Variants in SYTL3 observed in about 807,000 individuals in gnomAD.
SYTL3 encodes synaptotagmin like 3.
A neutral mutation model predicts 82.1 loss-of-function variants in SYTL3; 88 were observed. That is an observed-to-expected ratio of 1.07 (90% CI 0.90 to 1.28). The LOEUF (loss-of-function observed/expected upper bound fraction) is 1.28, where lower values mean the gene tolerates loss of function less well. Among genes scored for constraint, SYTL3 ranks in the 50% most tolerant of loss-of-function variants. The pLI is 0.00. For synonymous variants in SYTL3, 311 were observed against 289.4 expected (o/e 1.07, Z -0.76); for missense variants, 831 against 757.6 (o/e 1.10, Z -1.14).
Position 158,750,656 on chromosome 6 carries a change from T to C in SYTL3, c.1035-1272T>C, listed in dbSNP as rs114820801. ...ACTTCGGGCGTCGAGTAGCTGGGAC[T>C]ACAGGTGCACACCACCACACCCAGT... On this transcript the variant is annotated intron_variant, in intron 12 of 17. Coordinates refer to ENST00000611299, the MANE Select transcript of SYTL3 (RefSeq NM_001242394.2). Among the ~76,000 whole-genome samples, 696 of 152,248 alleles carry C rather than the reference T, an allele frequency of 4.6e-3. 5 individuals carry two copies. The highest frequency in any genetic ancestry group is 0.016 in the African/African-American group (652 of 41,546).
rs148419210 is a variant in SYTL3 at position 158,654,769 on chromosome 6, C to T, written c.-637+2927C>T. 3.3e-3 allele frequency among the ~76,000 whole-genome samples: 508 copies of T among 152,084 alleles called. 2 individuals carry two copies. Among genetic ancestry groups the T allele is most frequent in the African/African-American group, 0.012 (487 of 41,444 alleles). The stretch of plus-strand genomic sequence containing the variant: ...GGCTGAGTCCTGGCTGGGTATGAGC[C>T]CAGACTGTCTGGCTCCAAAAGTGAC... On this transcript the variant is annotated intron_variant, in intron 2 of 17. Transcript: ENST00000611299.
intron 2 of SYTL3, among the ~76,000 whole-genome samples, chr6:158,654,549 C>T (rs976570607): frequency 1.3e-5 from 2 of 152,178 alleles, no homozygotes; most frequent in Non-Finnish European, 2.9e-5. Context: ...TACTCTTGGG[C>T]CTTCCTGAAG....
At chr6:158,743,064 T>C (rs1414308045) in intron 11 of SYTL3, among the ~76,000 whole-genome samples, 1 of 152,194 alleles carries the variant, frequency 6.6e-6, no homozygotes, top group Non-Finnish European at 1.5e-5. Flanking sequence ...CCAGTCCCGT[T>C]AGACTGCTGA....
chr6:158,735,600 A>G (rs1786036917), intron 11 of SYTL3, among the ~76,000 whole-genome samples: 1 of 152,198 alleles, frequency 6.6e-6, no homozygotes, highest in Non-Finnish European at 1.5e-5. Context: ...AGAAATATTT[A>G]CATTCTCTGA....
chr6:158,728,533 A>G (rs961718981), intron 11 of SYTL3, among the ~76,000 whole-genome samples: 7 of 152,346 alleles, frequency 4.6e-5, no homozygotes, highest in African/African-American at 1.4e-4. Context: ...GAAGTTGGAT[A>G]TTATAAGTCT....
chr6:158,664,668 CAT>C (rs1472714279), intron 4 of SYTL3, among the ~76,000 whole-genome samples: 1 of 152,170 alleles, frequency 6.6e-6, no homozygotes, highest in Non-Finnish European at 1.5e-5. Flanking sequence ...GTGACATAGA[CAT>C]AGTGATAACA....
At chr6:158,752,154 A>G (rs1261908545) in intron 13 of SYTL3, 124 bp downstream of exon 13, 14 of 531,492 alleles carry the variant, frequency 2.6e-5, no homozygotes, top group Non-Finnish European at 9.7e-6. Context: ...AGACACCTAT[A>G]TGTTTCTTCG....
At chr6:158,645,222 T>G (rs1787360598), upstream of SYTL3, among the ~76,000 whole-genome samples, 1 of 152,100 alleles carries the variant, frequency 6.6e-6, no homozygotes, top group African/African-American at 2.4e-5. Context: ...CTTTGGGGAG[T>G]TAAGTTTTCC....
At chr6:158,703,890 A>C (rs947393060) in intron 6 of SYTL3, among the ~76,000 whole-genome samples, 1 of 150,204 alleles carries the variant, frequency 6.7e-6, no homozygotes, top group Non-Finnish European at 1.5e-5. Context: ...CCCAGGCTGG[A>C]GTGCAGTGGT....
chr6:158,715,639 A>ACC (rs71030193), intron 9 of SYTL3, among the ~76,000 whole-genome samples: 12,295 of 92,712 alleles, frequency 0.13, 1,346 homozygotes, highest in African/African-American at 0.33. Context: ...CACCCCCCAT[A>ACC]CCCCCCCACC....
chr6:158,660,366 G>A (rs1789234661), intron 2 of SYTL3, among the ~76,000 whole-genome samples: 1 of 152,230 alleles, frequency 6.6e-6, no homozygotes, highest in Non-Finnish European at 1.5e-5. Context: ...ATGGATCCAG[G>A]AAATGAACTG....
At chr6:158,648,546 G>A (rs1442422753), upstream of SYTL3, among the ~76,000 whole-genome samples, 2 of 149,546 alleles carry the variant, frequency 1.3e-5, no homozygotes, top group African/African-American at 4.9e-5. Context: ...AGCCGAGATC[G>A]CGCCACTGCA....
chr6:158,718,903 C>G, intron 10 of SYTL3, among the ~76,000 whole-genome samples: 1 of 152,164 alleles, frequency 6.6e-6, no homozygotes, highest in East Asian at 1.9e-4. Context: ...ACTGGTGTCC[C>G]TTCTCTGCTG....
At chr6:158,676,029 T>A (rs1777992219) in intron 5 of SYTL3, among the ~76,000 whole-genome samples, 1 of 152,190 alleles carries the variant, frequency 6.6e-6, no homozygotes, top group African/African-American at 2.4e-5. Flanking sequence ...ACCAATGACT[T>A]TCTTCACAGA....
intron 13 of SYTL3, among the ~76,000 whole-genome samples, chr6:158,753,985 A>G (rs1264323843): frequency 6.6e-6 from 1 of 152,146 alleles, no homozygotes; most frequent in Non-Finnish European, 1.5e-5. Context: ...GATGCGAAGG[A>G]TGGGAAGCCG....
At chr6:158,649,457 C>T (rs1787743565), upstream of SYTL3, among the ~76,000 whole-genome samples, 1 of 152,254 alleles carries the variant, frequency 6.6e-6, no homozygotes, top group African/African-American at 2.4e-5. Context: ...GCCTACGTGG[C>T]ACGTGGCACC....
intron 12 of SYTL3, among the ~76,000 whole-genome samples, chr6:158,747,364 A>T (rs965223209): frequency 6.6e-6 from 1 of 151,658 alleles, no homozygotes; most frequent in Admixed American, 6.6e-5. Flanking sequence ...ATTAAAATTA[A>T]TTTTTTTTTA....
At position 158,757,193 on chromosome 6, in the gene SYTL3, T is replaced by C; in HGVS notation, c.1138-18T>C. 1 of 1,602,300 alleles carries C rather than the reference T, an allele frequency of 6.2e-7. No homozygotes were observed. Among genetic ancestry groups the C allele is most frequent in the Non-Finnish European group, 8.5e-7 (1 of 1,177,696 alleles). On this transcript the variant is annotated intron_variant, in intron 13 of 17. Transcript: ENST00000611299. ...GGCCCCGGGAGCCCAGCTGACCATC[T>C]CTTCCTTGCCTCTGCAGTATCAGGT...
chr6:158,661,411 T>G (rs1025755786), intron 3 of SYTL3, 26 bp downstream of exon 3: 14 of 152,378 alleles, frequency 9.2e-5, no homozygotes, highest in African/African-American at 3.4e-4. Context: ...CCTTGTTGCT[T>G]TGTGATTTTC....
Sources: allele counts gnomAD v4.1 joint callset (sites outside exome capture counted in the v4.1 genomes callset), GRCh38; gene constraint gnomAD v4.1.1; transcripts MANE v1.5; gene names NCBI Gene and HGNC (gene_info 2026-07-23, HGNC 2026-07-21).